Variants in PLCG2 observed in about 807,000 individuals in gnomAD.
PLCG2 encodes the protein 1-phosphatidylinositol 4,5-bisphosphate phosphodiesterase gamma-2.
In PLCG2, 69 loss-of-function variants were observed where a neutral mutation model predicts 175.6. That is an observed-to-expected ratio of 0.39 (90% CI 0.32 to 0.48). PLCG2 has a LOEUF of 0.48. PLCG2 is among the 20% of genes least tolerant of loss of function. The pLI is 0.91. For missense variants in PLCG2, 1,798 were observed against 1,650.9 expected, an observed-to-expected ratio of 1.09 and a Z score of -1.54; for synonymous variants, 827 against 624.0, an observed-to-expected ratio of 1.33 and a Z score of -4.85.
At chr16:81,867,531 C>T (rs1312947102) in intron 5 of PLCG2, among the ~76,000 whole-genome samples, 1 of 152,150 alleles carries the variant, frequency 6.6e-6, no homozygotes. Context: ...ATGGTACCTG[C>T]CTTGTAAAAT....
intron 2 of PLCG2, among the ~76,000 whole-genome samples, chr16:81,801,452 T>C (rs1002344098): frequency 3.9e-5 from 6 of 152,296 alleles, no homozygotes; most frequent in Non-Finnish European, 5.9e-5. Flanking sequence ...AGATTTTCCA[T>C]GTTGATGTAG....
At chr16:81,957,874 C>A in intron 32 of PLCG2, 82 bp from the exon 33 acceptor site, 1 of 1,251,474 alleles carries the variant, frequency 8.0e-7, no homozygotes. Flanking sequence ...GGCAAATGTA[C>A]AGAAAGAGAA....
chr16:81,956,078 C>G (rs368911948), intron 31 of PLCG2, among the ~76,000 whole-genome samples: 207 of 152,260 alleles, frequency 1.4e-3, no homozygotes, highest in African/African-American at 4.8e-3. Flanking sequence ...TCCCCCAGAC[C>G]CCGGTGACCT....
In PLCG2 at chr16:81,860,172, AT is replaced by A. The variant is rs1555513300; in HGVS notation, c.479+1024del. Among the ~76,000 whole-genome samples the A allele has an allele frequency of 6.5e-3, 781 of 120,608 alleles. 6 individuals carry two copies. Among genetic ancestry groups the A allele is most frequent in the African/African-American group, 0.017 (565 of 32,312 alleles). 79.1% of individuals were successfully genotyped at this position (120,608 alleles called of 152,430 possible). A position where few individuals can be genotyped will look rare whatever the true frequency, so the allele number is the denominator to read the frequency against. On this transcript the variant is annotated intron_variant, in intron 5 of 32. Transcript: ENST00000564138. The stretch of plus-strand genomic sequence containing the variant: ...TATTATTATTATTATTATTATTATT[AT>A]TTTTTTTTTTTTTTGTAAAGGTGAA...
At position 81,960,424 on chromosome 16, in the gene PLCG2, ACACTGTTTTTGTTCACCATTTTCCTAAG is replaced by A. The variant is rs1911740487; in HGVS notation, c.*2427_*2454del. 1 of 226,540 alleles carries A rather than the reference ACACTGTTTTTGTTCACCATTTTCCTAAG, an allele frequency of 4.4e-6. No individual in the cohort carries two copies. Among genetic ancestry groups the A allele is most frequent in the Non-Finnish European group, 8.8e-6 (1 of 113,982 alleles). The allele number at this position is 226,540 out of a possible 1,614,324, so 14.0% of individuals were successfully genotyped here. A position where few individuals can be genotyped will look rare whatever the true frequency, so the allele number is the denominator to read the frequency against. The stretch of plus-strand genomic sequence containing the variant: ...TCAAAACCACCACTGCATATGTATT[ACACTGTTTTTGTTCACCATTTTCCTAAG>A]TGTGTTATTTAGAATATTGGTTATT... On this transcript the variant is annotated 3_prime_UTR_variant, in exon 33 of 33. Coordinates refer to ENST00000564138, the MANE Select transcript of PLCG2 (RefSeq NM_002661.5).
chr16:81,824,031 T>G (rs186326890), intron 2 of PLCG2, among the ~76,000 whole-genome samples: 6 of 55,334 alleles, frequency 1.1e-4, no homozygotes, highest in African/African-American at 4.1e-4. Context: ...TTCCTTTCCT[T>G]TCCTTTCCTT....
At chr16:81,876,784 A>G (rs1249637555) in intron 7 of PLCG2, among the ~76,000 whole-genome samples, 3 of 152,184 alleles carry the variant, frequency 2.0e-5, no homozygotes, top group African/African-American at 7.2e-5. Context: ...TCCCTTGGTT[A>G]GGTAGAATCT....
chr16:81,813,127 T>C (rs1400383867), intron 2 of PLCG2, among the ~76,000 whole-genome samples: 2 of 152,244 alleles, frequency 1.3e-5, no homozygotes, highest in Admixed American at 1.3e-4. Flanking sequence ...CAGCTTGTTC[T>C]TTCTGCTTAG....
chr16:81,741,564 C>A (rs1343612851), intron 1 of PLCG2, among the ~76,000 whole-genome samples: 2 of 152,202 alleles, frequency 1.3e-5, no homozygotes, highest in African/African-American at 4.8e-5. Context: ...GATCCCAGCC[C>A]TTTGGGAGGC....
intron 4 of PLCG2, among the ~76,000 whole-genome samples, chr16:81,858,618 G>T (rs917233877): frequency 4.6e-5 from 7 of 152,062 alleles, no homozygotes; most frequent in Admixed American, 4.6e-4. Context: ...ACATTCCTGG[G>T]GTATGTGCTG....
chr16:81,872,558 A>C (rs1356146130), intron 7 of PLCG2, among the ~76,000 whole-genome samples: 1 of 152,230 alleles, frequency 6.6e-6, no homozygotes, highest in Non-Finnish European at 1.5e-5. Flanking sequence ...TCCATAGAGC[A>C]TAAAGTTTTA....
intron 26 of PLCG2, among the ~76,000 whole-genome samples, chr16:81,934,943 C>A (rs913119877): frequency 2.0e-5 from 3 of 152,112 alleles, no homozygotes; most frequent in Non-Finnish European, 4.4e-5. Flanking sequence ...CCCCATGATT[C>A]AATTATCTCC....
intron 2 of PLCG2, among the ~76,000 whole-genome samples, chr16:81,797,871 C>T (rs1409192074): frequency 2.6e-5 from 4 of 151,504 alleles, no homozygotes; most frequent in Admixed American, 1.3e-4. Context: ...TCACTCTGTC[C>T]CCAGGCTGAA....
At chr16:81,828,911 T>C (rs1905149446) in intron 2 of PLCG2, among the ~76,000 whole-genome samples, 1 of 152,192 alleles carries the variant, frequency 6.6e-6, no homozygotes, top group South Asian at 2.1e-4. Context: ...GGCTGTATCT[T>C]ACCAACTGCA....
At chr16:81,905,561 T>A (rs1358443733) in intron 15 of PLCG2, 54 bp downstream of exon 15, 2 of 1,154,206 alleles carry the variant, frequency 1.7e-6, no homozygotes, top group African/African-American at 1.5e-5. Context: ...TGCAGCTGCT[T>A]CTTGGAGCCC....
chr16:81,940,048 C>G lies in PLCG2; in HGVS notation c.3470C>G (p.Ala1157Gly). ...FLAHATYPIK[A>G]VKSGFRSVPL... ...GCTCATGCCACTTACCCCATTAAAGCAGTCAAATCAGGTAAGAGGCATTTT... is the reference window on the plus strand; with the variant it reads ...GCTCATGCCACTTACCCCATTAAAGGAGTCAAATCAGGTAAGAGGCATTTT... The change falls in exon 30 of 33, where the codon GCA becomes GGA. Residue 1157 changes from alanine (A) to glycine (G), a missense_variant. By Grantham distance (60) the Ala-to-Gly change is moderately conservative. Coordinates refer to ENST00000564138, the MANE Select transcript of PLCG2 (RefSeq NM_002661.5). The G allele has an allele frequency of 6.2e-7, 1 of 1,609,798 alleles. No individual in the cohort carries two copies. The highest frequency in any genetic ancestry group is 1.1e-5 in the South Asian group (1 of 90,966).
intron 2 of PLCG2, among the ~76,000 whole-genome samples, chr16:81,841,694 G>A (rs995097224): frequency 1.3e-4 from 20 of 152,138 alleles, no homozygotes; most frequent in African/African-American, 4.6e-4. Context: ...ACTCATGCCT[G>A]CTAGATCCTT....
At chr16:81,754,216 G>A (rs1370046497) in intron 1 of PLCG2, among the ~76,000 whole-genome samples, 1 of 151,256 alleles carries the variant, frequency 6.6e-6, no homozygotes, top group African/African-American at 2.4e-5. Flanking sequence ...GAAGCTTCCT[G>A]GGGAAACTCT....
intron 2 of PLCG2, among the ~76,000 whole-genome samples, chr16:81,795,369 G>T (rs1326332509): frequency 6.6e-6 from 1 of 152,170 alleles, no homozygotes; most frequent in Admixed American, 6.5e-5. Context: ...GGGAGCCATG[G>T]GAAGCTCTGT....
Sources: gnomAD v4.1 joint callset for allele counts (sites outside exome capture counted in the v4.1 genomes callset) on GRCh38, gnomAD v4.1.1 for gene constraint, MANE v1.5 for transcripts, NCBI Gene and HGNC (gene_info 2026-07-23, HGNC 2026-07-21) for gene names.